P2RX2: variants seen among roughly 807,000 people sequenced by gnomAD.
P2RX2 encodes the protein P2X purinoceptor 2.
In P2RX2, 50 loss-of-function variants were observed where a neutral mutation model predicts 54.8. The ratio of observed to expected loss-of-function variants is 0.91; its 90% CI spans 0.73 to 1.15. P2RX2 has a LOEUF of 1.15. Ranked by LOEUF, P2RX2 falls within the 50% of genes most tolerant of loss-of-function variation. The probability of loss-of-function intolerance (pLI) is 0.00; values close to 1 mark genes in which losing one functional copy is unlikely to be tolerated. For synonymous variants in P2RX2, 289 were observed against 259.4 expected, an observed-to-expected ratio of 1.11 and a Z score of -1.09; for missense variants, 658 against 633.2, an observed-to-expected ratio of 1.04 and a Z score of -0.42.
rs748489580 is a variant in P2RX2 at position 132,619,715 on chromosome 12, G to C, written c.346G>C (p.Ala116Pro). ...SVFSIITRVEATHSQTQGTCP... is the reference protein window; with the variant it reads ...SVFSIITRVEPTHSQTQGTCP... ...GTTCAGCATCATCACCAGGGTCGAG[G>C]CCACCCACTCCCAGACCCAGGGAAC... The change falls in exon 3 of 11, where the codon GCC becomes CCC. Residue 116 changes from alanine (A) to proline (P), a missense_variant. Coordinates refer to ENST00000643471, the MANE Select transcript of P2RX2 (RefSeq NM_170682.4). 6.2e-7 allele frequency: 1 copy of C among 1,605,856 alleles called. No individual in the cohort carries two copies. Among genetic ancestry groups the C allele is most frequent in the Non-Finnish European group, 8.5e-7 (1 of 1,176,190 alleles).
intron 7 of P2RX2, 34 bp downstream of exon 7, chr12:132,620,617 G>A: frequency 1.2e-6 from 2 of 1,603,744 alleles, no homozygotes; most frequent in East Asian, 2.2e-5. Context: ...GGGCCAGGGT[G>A]GGCTCCCACC....
chr12:132,621,368 G>A (rs780975481), intron 9 of P2RX2, 23 bp downstream of exon 9: 2 of 1,613,606 alleles, frequency 1.2e-6, no homozygotes, highest in South Asian at 1.1e-5. Context: ...GCTGGGGGTG[G>A]GTGGCCAGCC....
rs772626924 is a variant in P2RX2, at chr12:132,621,001, G to A, written c.775G>A (p.Gly259Ser). The A allele has an allele frequency of 1.1e-5, 17 of 1,613,870 alleles. No homozygotes were observed. The highest frequency in any genetic ancestry group is 1.4e-5 in the Non-Finnish European group (17 of 1,179,964). Reference sequence around the variant, plus strand: ...CCCTTCTCTGGCTCCTTCTTGGCAGGGTGGTGTCATCGGGGTCATTATCAA... The same window carrying A: ...CCCTTCTCTGGCTCCTTCTTGGCAGAGTGGTGTCATCGGGGTCATTATCAA... ...GESFTELAHK[G>S]GVIGVIINWD... Residue 259 changes from glycine (G) to serine (S), a missense_variant and splice_region_variant, in exon 8 of 11, where the codon GGT becomes AGT. Physicochemically the swap from Gly to Ser is moderately conservative, Grantham distance 56. Coordinates refer to ENST00000643471, the MANE Select transcript of P2RX2 (RefSeq NM_170682.4).
chr12:132,619,528 C>T lies in P2RX2; in HGVS notation c.263C>T (p.Ser88Phe). The T allele has an allele frequency of 6.2e-7, 1 of 1,612,532 alleles. No homozygotes were observed. Among genetic ancestry groups the T allele is most frequent in the Non-Finnish European group, 8.5e-7 (1 of 1,179,390 alleles). ...ACCAAGGTCAAGGGGATCACCACGT[C>T]CGAGCACAAAGTGTGGGACGTGGAG... Reference protein sequence around the residue: ...IITKVKGITTSEHKVWDVEEY... With the variant: ...IITKVKGITTFEHKVWDVEEY... Residue 88 changes from serine to phenylalanine, a missense_variant, in exon 2 of 11, where the codon TCC becomes TTC. Transcript: ENST00000643471.
rs1344834715 is a variant in P2RX2 at position 132,618,941 on chromosome 12, G to C, written c.125G>C (p.Gly42Ala). Residue 42 changes from glycine (G) to alanine (A), a missense_variant, in exon 1 of 11, where the codon GGG (glycine) becomes GCG (alanine). By Grantham distance (60) the Gly-to-Ala change is moderately conservative. Coordinates refer to ENST00000643471, the MANE Select transcript of P2RX2 (RefSeq NM_170682.4). ...KVIVVRNRRL[G>A]VLYRAVQLLI... ...ATCGTGGTGAGGAACCGGCGCCTGG[G>C]GGTCCTGTACCGCGCCGTGCAGCTG... is the stretch of plus-strand genomic sequence containing the variant. 1.2e-5 allele frequency: 16 copies of C among 1,328,340 alleles called. No homozygotes were observed. The highest frequency in any genetic ancestry group is 1.6e-5 in the Non-Finnish European group (16 of 1,031,330). 82.3% of individuals were successfully genotyped at this position (1,328,340 alleles called of 1,614,324 possible).
chr12:132,620,448 C>T lies in P2RX2; in HGVS notation c.639C>T (p.Gly213=). 1 of 1,614,004 alleles carries T rather than the reference C, an allele frequency of 6.2e-7. No individual in the cohort carries two copies. ...IHYPKFHFSK[G]NIADRTDGYL... ...TCGCCTCCTGCCGCCTCCTCAGGGGCAACATCGCCGACCGCACAGACGGGT... is the reference window on the plus strand; with the variant it reads ...TCGCCTCCTGCCGCCTCCTCAGGGGTAACATCGCCGACCGCACAGACGGGT... The change falls in exon 7 of 11, where the codon GGC becomes GGT. Residue 213 remains glycine (G), a synonymous_variant. Transcript: ENST00000643471.
In P2RX2 at chr12:132,618,966, G is replaced by T; in HGVS notation, c.150G>T (p.Leu50=). 7.7e-7 allele frequency: 1 copy of T among 1,296,146 alleles called. No homozygotes were observed. The highest frequency in any genetic ancestry group is 2.9e-5 in the South Asian group (1 of 35,048). The allele number at this position is 1,296,146 out of a possible 1,614,324, so 80.3% of individuals were successfully genotyped here. A position where few individuals can be genotyped will look rare whatever the true frequency, so the allele number is the denominator to read the frequency against. Residue 50 remains leucine, a synonymous_variant, in exon 1 of 11, where the codon CTG becomes CTT. Coordinates refer to ENST00000643471, the MANE Select transcript of P2RX2 (RefSeq NM_170682.4). The part of the protein sequence containing the change: ...RLGVLYRAVQ[L]LILLYFVWYV... ...GGGTCCTGTACCGCGCCGTGCAGCT[G>T]CTCATCCTGCTCTACTTCGTGTGGT... is the stretch of plus-strand genomic sequence containing the variant.
intron 7 of P2RX2, among the ~76,000 whole-genome samples, 177 bp downstream of exon 7, chr12:132,620,760 T>G (rs2041631231): frequency 6.6e-6 from 1 of 152,182 alleles, no homozygotes; most frequent in African/African-American, 2.4e-5. Flanking sequence ...TTATTGACAC[T>G]GGCCATGGGG....
At chr12:132,620,156 A>G in intron 5 of P2RX2, 60 bp downstream of exon 5, 1 of 1,510,654 alleles carries the variant, frequency 6.6e-7, no homozygotes, top group Non-Finnish European at 9.0e-7. Context: ...CCCTGACCAG[A>G]GGCCAAACGG....
chr12:132,621,541 GT>G lies in P2RX2; in HGVS notation c.1062+2del. The G allele has an allele frequency of 6.3e-7, 1 of 1,579,212 alleles. No homozygotes were observed. Among genetic ancestry groups the G allele is most frequent in the Non-Finnish European group, 8.6e-7 (1 of 1,160,814 alleles). On this transcript the variant is annotated splice_donor_variant, in intron 10 of 10. Coordinates refer to ENST00000643471, the MANE Select transcript of P2RX2 (RefSeq NM_170682.4). LOFTEE classifies it high-confidence loss of function. ...CACAGCTCTGACTTCCGTCGGGGTGGTAAGGAACCCTCTCTGGGGTCCCAGC... is the reference window on the plus strand; with the variant it reads ...CACAGCTCTGACTTCCGTCGGGGTGGAAGGAACCCTCTCTGGGGTCCCAGC...
In P2RX2 at chr12:132,619,665, C is replaced by G. The variant is rs543263421; in HGVS notation, c.310-14C>G. 4 of 1,587,754 alleles carry G rather than the reference C, an allele frequency of 2.5e-6. No homozygotes were observed. The South Asian group carries it at 4.6e-5, about 18-fold the overall frequency. The stretch of plus-strand genomic sequence containing the variant: ...GCTGCCGCCTGGCCGACCGCCCCCT[C>G]TTTCTGAGCCCAGGGGGGCAGCGTG... On this transcript the variant is annotated splice_polypyrimidine_tract_variant and intron_variant, in intron 2 of 10. Coordinates refer to ENST00000643471, the MANE Select transcript of P2RX2 (RefSeq NM_170682.4).
At position 132,621,969 on chromosome 12, in the gene P2RX2, C is replaced by T. The variant is rs568364905; in HGVS notation, c.1413C>T (p.Leu471=). Residue 471 remains leucine (L), a synonymous_variant, in exon 11 of 11, where the codon CTC becomes CTT. Transcript: ENST00000643471. Reference sequence around the variant, plus strand: ...CAGACCCCAAAGGTTTGGCTCAACTCTGAGCTCCTTTCCATCTCACTGGAC... The same window carrying T: ...CAGACCCCAAAGGTTTGGCTCAACTTTGAGCTCCTTTCCATCTCACTGGAC... ...TPTDPKGLAQ[L] is the part of the protein sequence containing the mutation. 3.0e-5 allele frequency: 48 copies of T among 1,613,720 alleles called. No individual in the cohort carries two copies. In the South Asian group the frequency reaches 3.3e-4, roughly 11 times the overall value.
intron 8 of P2RX2, 51 bp downstream of exon 8, chr12:132,621,182 C>A: frequency 6.2e-7 from 1 of 1,613,910 alleles, no homozygotes; most frequent in Non-Finnish European, 8.5e-7. Flanking sequence ...GTGGTGGGGT[C>A]CCGAGAGGCC....
rs2041603510 is a variant in P2RX2, at chr12:132,620,348, GTA to G, written c.635+2_635+3del. ...ACTACCCCAAATTCCACTTCTCCAA[GTA>G]AGAGCCGCGGGGTGTGGTGACGGCC... is the stretch of plus-strand genomic sequence containing the variant. On this transcript the variant is annotated splice_donor_variant and splice_donor_region_variant and intron_variant, in intron 6 of 10. Transcript: ENST00000643471. LOFTEE classifies it high-confidence loss of function. The G allele has an allele frequency of 6.2e-7, 1 of 1,613,912 alleles. No homozygotes were observed. The highest frequency in any genetic ancestry group is 1.3e-5 in the African/African-American group (1 of 74,940).
In P2RX2 at chr12:132,621,551, C is replaced by T. The variant is rs1334242215; in HGVS notation, c.1062+11C>T. On this transcript the variant is annotated intron_variant, in intron 10 of 10. Coordinates refer to ENST00000643471, the MANE Select transcript of P2RX2 (RefSeq NM_170682.4). ...ACTTCCGTCGGGGTGGTAAGGAACC[C>T]TCTCTGGGGTCCCAGCGGGTGCGGG... is the stretch of plus-strand genomic sequence containing the variant. 2.5e-6 allele frequency: 4 copies of T among 1,585,564 alleles called. No homozygotes were observed. The highest frequency in any genetic ancestry group is 2.3e-5 in the South Asian group (2 of 87,338).
Position 132,621,052 on chromosome 12 carries a change from G to A in P2RX2, c.826G>A (p.Ala276Thr), listed in dbSNP as rs200403901. Residue 276 changes from alanine (A) to threonine (T), a missense_variant, in exon 8 of 11, where the codon GCA (alanine) becomes ACA (threonine). By Grantham distance (58) the Ala-to-Thr change is moderately conservative. Coordinates refer to ENST00000643471, the MANE Select transcript of P2RX2 (RefSeq NM_170682.4). Reference sequence around the variant, plus strand: ...CTGGGACTGTGACCTGGACCTGCCTGCATCGGAGTGCAACCCCAAGTACTC... The same window carrying A: ...CTGGGACTGTGACCTGGACCTGCCTACATCGGAGTGCAACCCCAAGTACTC... Reference protein sequence around the residue: ...INWDCDLDLPASECNPKYSFR... With the variant: ...INWDCDLDLPTSECNPKYSFR... 2.2e-5 allele frequency: 35 copies of A among 1,614,168 alleles called. No homozygotes were observed. The highest frequency in any genetic ancestry group is 2.8e-5 in the Non-Finnish European group (33 of 1,179,992).
At position 132,620,888 on chromosome 12, in the gene P2RX2, AGGGGCCTCTCGTGTGCCCTTGTG is replaced by A. The variant is rs2041639410; in HGVS notation, c.775-112_775-90del. On this transcript the variant is annotated intron_variant, in intron 7 of 10. Coordinates refer to ENST00000643471, the MANE Select transcript of P2RX2 (RefSeq NM_170682.4). ...AGCCTGGGACTGACCCGGGCTCTCG[AGGGGCCTCTCGTGTGCCCTTGTG>A]ACCCCCTTCCCTGGCCTGGGACTGA... The A allele has an allele frequency of 2.9e-5, 16 of 543,068 alleles. 1 individual carries two copies. The highest frequency in any genetic ancestry group is 2.0e-4 in the African/African-American group (3 of 14,988). 33.6% of individuals were successfully genotyped at this position (543,068 alleles called of 1,614,324 possible). A position where few individuals can be genotyped will look rare whatever the true frequency, so the allele number is the denominator to read the frequency against.
intron 3 of P2RX2, 25 bp from the exon 4 acceptor site, chr12:132,619,819 C>CAG (rs1328094200): frequency 1.2e-6 from 2 of 1,610,314 alleles, no homozygotes; most frequent in Admixed American, 3.3e-5. Flanking sequence ...TTGCGGGGTC[C>CAG]CTGACTGGGC....
In P2RX2 at chr12:132,622,218, C is replaced by T; in HGVS notation, c.*246C>T. The T allele has an allele frequency of 7.2e-7, 1 of 1,389,340 alleles. No individual in the cohort carries two copies. The highest frequency in any genetic ancestry group is 9.3e-7 in the Non-Finnish European group (1 of 1,076,040). The allele number at this position is 1,389,340 out of a possible 1,614,324, so 86.1% of individuals were successfully genotyped here. A position where few individuals can be genotyped will look rare whatever the true frequency, so the allele number is the denominator to read the frequency against. Reference sequence around the variant, plus strand: ...CAGGGCTGCTCACTTCCCATCACCTCTCACAGCCACCTGGAACCCAAGCCA... The same window carrying T: ...CAGGGCTGCTCACTTCCCATCACCTTTCACAGCCACCTGGAACCCAAGCCA... On this transcript the variant is annotated 3_prime_UTR_variant, in exon 11 of 11. Coordinates refer to ENST00000643471, the MANE Select transcript of P2RX2 (RefSeq NM_170682.4).
Sources: gnomAD v4.1 joint callset for allele counts (sites outside exome capture counted in the v4.1 genomes callset) on GRCh38, gnomAD v4.1.1 for gene constraint, MANE v1.5 for transcripts, NCBI Gene and HGNC (gene_info 2026-07-23, HGNC 2026-07-21) for gene names.